Variants in COL1A2 observed in about 807,000 individuals in gnomAD.
The protein encoded by COL1A2 is collagen alpha-2(I) chain.
Under a neutral mutation model 174.3 loss-of-function variants are expected in COL1A2, and 49 were observed. The observed-to-expected ratio is 0.28, with a 90% CI of 0.22 to 0.36. The LOEUF is 0.36. Among genes scored for constraint, COL1A2 ranks in the 10% least tolerant of loss-of-function variants. The probability of loss-of-function intolerance (pLI) is 1.00; values close to 1 mark genes in which losing one functional copy is unlikely to be tolerated. For synonymous variants in COL1A2, 655 were observed against 606.6 expected, an observed-to-expected ratio of 1.08 and a Z score of -1.17; for missense variants, 1,438 against 1,822.7, an observed-to-expected ratio of 0.79 and a Z score of 3.84.
chr7:94,419,589 A>G, intron 34 of COL1A2, 38 bp downstream of exon 34: 1 of 1,612,854 alleles, frequency 6.2e-7, no homozygotes. Context: ...AGCAATATCT[A>G]AAATTTCCCG....
intron 12 of COL1A2, 51 bp downstream of exon 12, chr7:94,406,354 C>A: frequency 6.5e-7 from 1 of 1,547,570 alleles, no homozygotes; most frequent in Non-Finnish European, 8.9e-7. Context: ...TGAAATTCCC[C>A]ATGACCTCCA....
At chr7:94,401,444 A>C in intron 5 of COL1A2, 123 bp from the exon 6 acceptor site, 1 of 345,390 alleles carries the variant, frequency 2.9e-6, no homozygotes, top group Non-Finnish European at 4.7e-6. Flanking sequence ...TATATCAAAA[A>C]CATTGCCCTC....
At chr7:94,406,181 T>C in intron 11 of COL1A2, 69 bp from the exon 12 acceptor site, 3 of 1,503,528 alleles carry the variant, frequency 2.0e-6, no homozygotes, top group South Asian at 1.1e-5. Context: ...GGCAAAGATA[T>C]ACAATACAAT....
Position 94,427,795 on chromosome 7 carries a change from A to G in COL1A2, c.3436A>G (p.Ile1146Val). The change falls in exon 49 of 52, where the codon ATT becomes GTT. Residue 1146 changes from isoleucine (I) to valine (V), a missense_variant. By Grantham distance (29) the Ile-to-Val change is conservative. This residue lies in a region of COL1A2 where 290 missense variants were observed against 298.1 expected (regional missense o/e 0.97). Transcript: ENST00000297268. ...TACTCTGAAGTCTCTCAACAACCAG[A>G]TTGAGACCCTTCTTACTCCTGAAGG... ...DATLKSLNNQ[I>V]ETLLTPEGSR... The G allele has an allele frequency of 1.2e-6, 2 of 1,614,088 alleles. No homozygotes were observed. Among genetic ancestry groups the G allele is most frequent in the Non-Finnish European group, 1.7e-6 (2 of 1,179,952 alleles).
chr7:94,427,191 C>A lies in COL1A2; in HGVS notation c.3163C>A (p.Pro1055Thr). 2 of 1,613,972 alleles carry A rather than the reference C, an allele frequency of 1.2e-6. No homozygotes were observed. The highest frequency in any genetic ancestry group is 1.7e-6 in the Non-Finnish European group (2 of 1,179,940). ...GSVGPAGPRG[P>T]AGPSGPAGKD... is the part of the protein sequence containing the mutation. ...ACCTGGTGTCTGTCTTCCTTAGGGCCCTGCTGGTCCTTCTGGCCCTGCTGG... is the reference window on the plus strand; with the variant it reads ...ACCTGGTGTCTGTCTTCCTTAGGGCACTGCTGGTCCTTCTGGCCCTGCTGG... The change falls in exon 48 of 52, where the codon CCT (proline) becomes ACT (threonine). Residue 1055 changes from proline (P) to threonine (T), a missense_variant. Pro to Thr is a conservative substitution (Grantham distance 38). Transcript: ENST00000297268.
chr7:94,407,343 C>CACT (rs139122565), intron 12 of COL1A2, among the ~76,000 whole-genome samples: 143 of 149,362 alleles, frequency 9.6e-4, no homozygotes, highest in African/African-American at 2.6e-3. Flanking sequence ...TATTAAATCC[C>CACT]ACTACTACTA....
At chr7:94,423,380 G>A (rs1237138963) in intron 40 of COL1A2, 8 of 476,138 alleles carry the variant, frequency 1.7e-5, no homozygotes, top group South Asian at 6.2e-5. Flanking sequence ...GCACCTTACT[G>A]GTACCAGGAT....
At chr7:94,406,170 T>C (rs1471641971) in intron 11 of COL1A2, 80 bp from the exon 12 acceptor site, 1 of 1,436,980 alleles carries the variant, frequency 7.0e-7, no homozygotes, top group Non-Finnish European at 9.8e-7. Context: ...GAGAGATTAA[T>C]GGCAAAGATA....
intron 40 of COL1A2, 84 bp from the exon 41 acceptor site, chr7:94,424,246 TGAAGAC>T: frequency 9.0e-7 from 1 of 1,105,580 alleles, no homozygotes; most frequent in South Asian, 1.3e-5. Context: ...TTTTCTAAGC[TGAAGAC>T]AGTTTATTCT....
chr7:94,399,913 T>G (rs190770619), intron 4 of COL1A2, among the ~76,000 whole-genome samples: 1 of 152,260 alleles, frequency 6.6e-6, no homozygotes, highest in East Asian at 1.9e-4. Flanking sequence ...AACCATACAT[T>G]TTGGCTATAA....
At chr7:94,420,168 C>G (rs1792126855) in intron 34 of COL1A2, 65 bp from the exon 35 acceptor site, 1 of 1,601,658 alleles carries the variant, frequency 6.2e-7, no homozygotes, top group African/African-American at 1.3e-5. Flanking sequence ...TGTTCTCTCT[C>G]CCTCCCAGTT....
intron 51 of COL1A2, 85 bp from the exon 52 acceptor site, chr7:94,430,162 T>C: frequency 1.5e-6 from 2 of 1,326,070 alleles, no homozygotes; most frequent in South Asian, 2.4e-5. Flanking sequence ...TGCCAAACAG[T>C]GGTTCTTATT....
In COL1A2 at chr7:94,409,327, A is replaced by C. The variant is rs1420686781; in HGVS notation, c.798A>C (p.Glu266Asp). 15 of 1,613,898 alleles carry C rather than the reference A, an allele frequency of 9.3e-6. No individual in the cohort carries two copies. Among genetic ancestry groups the C allele is most frequent in the Admixed American group, 1.7e-5 (1 of 59,984 alleles). The change falls in exon 17 of 52, where the codon GAA becomes GAC. Residue 266 changes from glutamate (E) to aspartate (D), a missense_variant. Coordinates refer to ENST00000297268, the MANE Select transcript of COL1A2 (RefSeq NM_000089.4). The part of the protein sequence containing the change: ...GFPGAPGPKG[E>D]IGAVGNAGPA... Reference sequence around the variant, plus strand: ...GGTTTAATTTCCTCTTTTAGGGTGAAATTGGAGCTGTTGGTAACGCTGGTC... The same window carrying C: ...GGTTTAATTTCCTCTTTTAGGGTGACATTGGAGCTGTTGGTAACGCTGGTC...
Position 94,418,853 on chromosome 7 carries a change from C to T in COL1A2, c.2025+301C>T, listed in dbSNP as rs2023729. 0.28 allele frequency among the ~76,000 whole-genome samples: 42,948 copies of T among 151,220 alleles called. 6,192 individuals carry two copies. The highest frequency in any genetic ancestry group is 0.31 in the Non-Finnish European group (21,170 of 67,840). The stretch of plus-strand genomic sequence containing the variant: ...GGTTTAATAGAATATTAAATGATTG[C>T]TTCAAGTGATAACAGAGATTAAAAT... On this transcript the variant is annotated intron_variant, in intron 33 of 51. Transcript: ENST00000297268.
chr7:94,395,205 T>C (rs901325586), intron 1 of COL1A2, 104 bp downstream of exon 1: 1 of 908,032 alleles, frequency 1.1e-6, no homozygotes, highest in African/African-American at 1.6e-5. Flanking sequence ...CAGGTACACT[T>C]GGAGGGCAGA....
At position 94,409,595 on chromosome 7, in the gene COL1A2, C is replaced by G. The variant is rs1254665278; in HGVS notation, c.923C>G (p.Ala308Gly). The change falls in exon 18 of 52, where the codon GCC becomes GGC. Residue 308 changes from alanine to glycine, a missense_variant. Physicochemically the swap from Ala to Gly is moderately conservative, Grantham distance 60. Transcript: ENST00000297268. ...CCTGGAGCAAACGGCCTTACTGGTG[C>G]CAAGGGTGCTGCTGTGAGTATACCT... The part of the protein sequence containing the change: ...GNPGANGLTG[A>G]KGAAGLPGVA... 1 of 1,613,978 alleles carries G rather than the reference C, an allele frequency of 6.2e-7. No individual in the cohort carries two copies. Among genetic ancestry groups the G allele is most frequent in the Non-Finnish European group, 8.5e-7 (1 of 1,180,000 alleles).
chr7:94,426,195 A>C (rs1017366023), intron 45 of COL1A2, 144 bp downstream of exon 45: 2 of 882,316 alleles, frequency 2.3e-6, no homozygotes, highest in Non-Finnish European at 3.7e-6. Flanking sequence ...GATACAAATA[A>C]CTTGAGCTAT....
In COL1A2 at chr7:94,405,673, G is replaced by A. The variant is rs1562899297; in HGVS notation, c.487G>A (p.Gly163Ser). 1 of 1,611,688 alleles carries A rather than the reference G, an allele frequency of 6.2e-7. No homozygotes were observed. Among genetic ancestry groups the A allele is most frequent in the African/African-American group, 1.3e-5 (1 of 74,976 alleles). ...PGERGVVGPQ[G>S]ARGFPGTPGL... ...ACCATCTTCTGTATTTCTTTCTAAG[G>A]GTGCTCGTGGTTTCCCTGGAACTCC... Residue 163 changes from glycine to serine, a missense_variant and splice_region_variant, in exon 11 of 52, where the codon GGT becomes AGT. Transcript: ENST00000297268.
In COL1A2 at chr7:94,426,011, CT is replaced by C. The variant is rs1064793527; in HGVS notation, c.2958del (p.Val987LeufsTer36). ...TTCATTTCACAGGGTCCTTCTGGTC[CT>C]GTTGGTCCTGCTGGTGCTGTTGGCC... ...GNRGETGPSG[P>X]VGPAGAVGPR... is the part of the protein sequence containing the mutation. On this transcript the variant is annotated frameshift_variant, in exon 45 of 52. Transcript: ENST00000297268. LOFTEE classifies it high-confidence loss of function. 5 of 1,614,002 alleles carry C rather than the reference CT, an allele frequency of 3.1e-6. No individual in the cohort carries two copies. The highest frequency in any genetic ancestry group is 4.2e-6 in the Non-Finnish European group (5 of 1,180,030).
Sources: gnomAD v4.1 joint callset for allele counts (sites outside exome capture counted in the v4.1 genomes callset) on GRCh38, gnomAD v4.1.1 for gene constraint, gnomAD v4.1.1 regional missense constraint, MANE v1.5 for transcripts, NCBI Gene and HGNC (gene_info 2026-07-23, HGNC 2026-07-21) for gene names.